Variants in SFMBT1 observed in about 807,000 individuals in gnomAD.
The protein encoded by SFMBT1 is Scm like with four mbt domains 1.
In SFMBT1, 32 loss-of-function variants were observed where a neutral mutation model predicts 108.7. That is an observed-to-expected ratio of 0.29 (90% CI 0.22 to 0.40). The LOEUF (loss-of-function observed/expected upper bound fraction) is 0.40, where lower values mean the gene tolerates loss of function less well. Among genes scored for constraint, SFMBT1 ranks in the 10% least tolerant of loss-of-function variants. The probability of loss-of-function intolerance (pLI) is 1.00; values close to 1 mark genes in which losing one functional copy is unlikely to be tolerated. For synonymous variants in SFMBT1, 348 were observed against 369.5 expected (o/e 0.94, Z 0.67); for missense variants, 816 against 1,059.6 (o/e 0.77, Z 3.19).
chr3:52,999,458 C>T (rs988068543), intron 1 of SFMBT1, among the ~76,000 whole-genome samples: 10 of 150,476 alleles, frequency 6.6e-5, no homozygotes, highest in African/African-American at 2.2e-4. Flanking sequence ...GAGCTGCTTC[C>T]GGATTGCGTT....
intron 1 of SFMBT1, among the ~76,000 whole-genome samples, chr3:53,041,200 C>T (rs1424377599): frequency 6.6e-6 from 1 of 151,762 alleles, no homozygotes; most frequent in Non-Finnish European, 1.5e-5. Flanking sequence ...TAAACATCCT[C>T]TTGAATAAAA....
rs1253640564 is a variant in SFMBT1 at position 52,920,606 on chromosome 3, T to C, written c.1303A>G (p.Met435Val). The part of the protein sequence containing the change: ...IPECIVSVES[M>V]DIFPLGWCET... ...CACCAGCCCAAAGGAAATATATCCA[T>C]GGATTCCACACTCACAATACATTCA... is the stretch of plus-strand genomic sequence containing the variant. The change falls in exon 12 of 21, where the codon ATG (methionine) becomes GTG (valine). Residue 435 changes from methionine to valine, a missense_variant. Physicochemically the swap from Met to Val is conservative, Grantham distance 21. This residue lies in a region of SFMBT1 where 495 missense variants were observed against 607.4 expected (regional missense o/e 0.81). Coordinates refer to ENST00000394752, the MANE Select transcript of SFMBT1 (RefSeq NM_016329.4). 3 of 1,614,110 alleles carry C rather than the reference T, an allele frequency of 1.9e-6. No homozygotes were observed. Among genetic ancestry groups the C allele is most frequent in the Non-Finnish European group, 2.5e-6 (3 of 1,180,000 alleles).
intron 1 of SFMBT1, among the ~76,000 whole-genome samples, chr3:53,038,666 G>C (rs1207119700): frequency 6.6e-6 from 1 of 152,122 alleles, no homozygotes; most frequent in East Asian, 1.9e-4. Flanking sequence ...AACCAGGATT[G>C]GACATCTATA....
chr3:53,044,308 T>C (rs1174629944), intron 1 of SFMBT1, among the ~76,000 whole-genome samples: 1 of 152,180 alleles, frequency 6.6e-6, no homozygotes, highest in Non-Finnish European at 1.5e-5. Flanking sequence ...CCAAACATCA[T>C]CTGTTTATCT....
At chr3:52,998,962 A>C (rs1204723970) in intron 1 of SFMBT1, among the ~76,000 whole-genome samples, 1 of 150,804 alleles carries the variant, frequency 6.6e-6, no homozygotes, top group Non-Finnish European at 1.5e-5. Flanking sequence ...GGGAGCATTC[A>C]GCTGGTGCGC....
At chr3:52,955,250 T>C (rs1703740774) in intron 2 of SFMBT1, among the ~76,000 whole-genome samples, 1 of 151,748 alleles carries the variant, frequency 6.6e-6, no homozygotes. Flanking sequence ...CCGTCTCTAC[T>C]AAAAATAAAA....
At chr3:52,998,155 C>T (rs1698405841) in intron 1 of SFMBT1, among the ~76,000 whole-genome samples, 1 of 150,012 alleles carries the variant, frequency 6.7e-6, no homozygotes, top group Non-Finnish European at 1.5e-5. Flanking sequence ...GTGGCTCACG[C>T]CTGTAATCCC....
chr3:52,905,748 C>T (rs1263668278), intron 20 of SFMBT1, among the ~76,000 whole-genome samples: 1 of 152,222 alleles, frequency 6.6e-6, no homozygotes, highest in African/African-American at 2.4e-5. Flanking sequence ...GACTGTGTTT[C>T]AGCAAGCTTG....
chr3:53,019,452 A>C (rs912039772), intron 1 of SFMBT1, among the ~76,000 whole-genome samples: 3 of 151,998 alleles, frequency 2.0e-5, no homozygotes, highest in African/African-American at 7.3e-5. Flanking sequence ...TCACATATCC[A>C]ACTACTCATT....
chr3:52,910,041 C>T (rs1339496634), intron 17 of SFMBT1, among the ~76,000 whole-genome samples: 2 of 152,112 alleles, frequency 1.3e-5, no homozygotes, highest in Non-Finnish European at 2.9e-5. Context: ...CAGCTGGCTC[C>T]TGTTTCCTTC....
intron 1 of SFMBT1, among the ~76,000 whole-genome samples, chr3:53,037,597 TAAC>T (rs1699906034): frequency 6.6e-6 from 1 of 152,172 alleles, no homozygotes; most frequent in Non-Finnish European, 1.5e-5. Flanking sequence ...TAAACACCTA[TAAC>T]AACAATAATA....
chr3:53,016,268 T>TA (rs1699121461), intron 1 of SFMBT1, among the ~76,000 whole-genome samples: 2 of 152,192 alleles, frequency 1.3e-5, no homozygotes, highest in South Asian at 4.1e-4. Flanking sequence ...CTCTGAGCTC[T>TA]AATAACACTT....
chr3:52,916,513 C>T (rs907035672), intron 13 of SFMBT1, among the ~76,000 whole-genome samples: 3 of 151,492 alleles, frequency 2.0e-5, no homozygotes, highest in Non-Finnish European at 4.4e-5. Context: ...ACTAAAAATA[C>T]AAAAAATTAG....
At chr3:53,017,813 A>T (rs1237477481) in intron 1 of SFMBT1, among the ~76,000 whole-genome samples, 1 of 152,218 alleles carries the variant, frequency 6.6e-6, no homozygotes, top group African/African-American at 2.4e-5. Context: ...GCTGTTTCTA[A>T]ACTCTTTTCC....
intron 1 of SFMBT1, among the ~76,000 whole-genome samples, chr3:53,003,802 C>T (rs1050411011): frequency 6.8e-6 from 1 of 147,816 alleles, no homozygotes; most frequent in Admixed American, 6.8e-5. Flanking sequence ...ATTTCAGCAG[C>T]GTGAGAGGTG....
chr3:52,986,100 G>A (rs986753911), intron 1 of SFMBT1, among the ~76,000 whole-genome samples: 7 of 148,214 alleles, frequency 4.7e-5, no homozygotes, highest in Admixed American at 6.9e-5. Context: ...CTGAGATCAT[G>A]CCACTACACT....
At chr3:52,907,805 T>G in intron 17 of SFMBT1, 72 bp from the exon 18 acceptor site, 1 of 1,384,422 alleles carries the variant, frequency 7.2e-7, no homozygotes, top group Non-Finnish European at 9.9e-7. Context: ...CAAGAGATTT[T>G]ATTAGCATAG....
intron 2 of SFMBT1, among the ~76,000 whole-genome samples, chr3:52,958,142 C>T (rs1224365068): frequency 5.9e-5 from 9 of 151,950 alleles, no homozygotes; most frequent in Admixed American, 4.6e-4. Context: ...CATTAAAAAG[C>T]GGACAAAGGA....
rs766628339 is a variant in SFMBT1, at chr3:52,918,472, TAC to T, written c.1415+10_1415+11del. On this transcript the variant is annotated intron_variant, in intron 13 of 20. Transcript: ENST00000394752. Reference sequence around the variant, plus strand: ...CTAACTTGTAAACTGTTCATATTATTACGTTACTTACTGTTTTTCTGGCTGAA... The same window carrying T: ...CTAACTTGTAAACTGTTCATATTATTGTTACTTACTGTTTTTCTGGCTGAA... The T allele has an allele frequency of 6.4e-7, 1 of 1,561,828 alleles. No homozygotes were observed. Among genetic ancestry groups the T allele is most frequent in the Non-Finnish European group, 8.6e-7 (1 of 1,159,014 alleles).
Sources: allele counts gnomAD v4.1 joint callset (sites outside exome capture counted in the v4.1 genomes callset), GRCh38; gene constraint gnomAD v4.1.1; regional missense constraint gnomAD v4.1.1; transcripts MANE v1.5; gene names NCBI Gene and HGNC (gene_info 2026-07-23, HGNC 2026-07-21).